Variants in SLFN12 observed in about 807,000 individuals in gnomAD.
SLFN12 encodes schlafen family member 12, also known as ribonuclease SLFN12.
A neutral mutation model predicts 29.1 loss-of-function variants in SLFN12; 25 were observed. The ratio of observed to expected loss-of-function variants is 0.86; its 90% confidence interval spans 0.63 to 1.20. The LOEUF (loss-of-function observed/expected upper bound fraction) is 1.20, where lower values mean the gene tolerates loss of function less well. Among genes scored for constraint, SLFN12 ranks in the 50% most tolerant of loss-of-function variants. SLFN12 has a pLI of 0.00. For synonymous variants in SLFN12, 257 were observed against 238.7 expected, an observed-to-expected ratio of 1.08 and a Z score of -0.71; for missense variants, 660 against 666.2, an observed-to-expected ratio of 0.99 and a Z score of 0.10.
rs1231634648 is a variant in SLFN12 at position 35,411,126 on chromosome 17, A to C, written c.*212T>G. The stretch of plus-strand genomic sequence containing the variant: ...ACAGACAGAGTAAATAATACTGTGC[A>C]CAGACGAGTTAACAAATTAATTTTC... On this transcript the variant is annotated 3_prime_UTR_variant, in exon 4 of 4. Coordinates refer to ENST00000304905, the MANE Select transcript of SLFN12 (RefSeq NM_018042.5). 1 of 444,934 alleles carries C rather than the reference A, an allele frequency of 2.2e-6. No homozygotes were observed. Among genetic ancestry groups the C allele is most frequent in the African/African-American group, 2.0e-5 (1 of 49,936 alleles). 27.6% of individuals were successfully genotyped at this position (444,934 alleles called of 1,614,324 possible). A position where few individuals can be genotyped will look rare whatever the true frequency, so the allele number is the denominator to read the frequency against.
intron 2 of SLFN12, among the ~76,000 whole-genome samples, chr17:35,421,776 G>T (rs188982167): frequency 5.3e-5 from 8 of 151,868 alleles, no homozygotes; most frequent in African/African-American, 1.9e-4. Context: ...TCCTGACCTC[G>T]TGATCCGCCC....
intron 1 of SLFN12, among the ~76,000 whole-genome samples, chr17:35,427,083 A>G (rs1173032253): frequency 6.6e-6 from 1 of 152,158 alleles, no homozygotes; most frequent in Non-Finnish European, 1.5e-5. Flanking sequence ...GACAGGTTAC[A>G]ACATTGAAAA....
In SLFN12 at chr17:35,422,531, C is replaced by A. The variant is rs1335684638; in HGVS notation, c.498G>T (p.Arg166Ser). ...TTTCTTCTTGTATATCAACACAGGGCCTCTTTGCCAGCAATTCTGGTCTTA... is the reference window on the plus strand; with the variant it reads ...TTTCTTCTTGTATATCAACACAGGGACTCTTTGCCAGCAATTCTGGTCTTA... ...LYLRPELLAK[R>S]PCVDIQEENN... The change falls in exon 2 of 4, where the codon AGG becomes AGT. Residue 166 changes from arginine (R) to serine (S), a missense_variant. By Grantham distance (110) the Arg-to-Ser change is moderately radical (BLOSUM62 -1). Coordinates refer to ENST00000304905, the MANE Select transcript of SLFN12 (RefSeq NM_018042.5). The A allele has an allele frequency of 4.3e-6, 7 of 1,614,026 alleles. No individual in the cohort carries two copies. The highest frequency in any genetic ancestry group is 2.7e-5 in the African/African-American group (2 of 75,064).
Position 35,411,372 on chromosome 17 carries a change from T to G in SLFN12, c.1703A>C (p.Lys568Thr). 1 of 1,570,122 alleles carries G rather than the reference T, an allele frequency of 6.4e-7. No homozygotes were observed. Among genetic ancestry groups the G allele is most frequent in the Non-Finnish European group, 8.6e-7 (1 of 1,160,550 alleles). Reference sequence around the variant, plus strand: ...CCTTCGACAAGATTTAAACATCTTTTTATCATTCTTCTGAAAGCAATCTAT... The same window carrying G: ...CCTTCGACAAGATTTAAACATCTTTGTATCATTCTTCTGAAAGCAATCTAT... Reference protein sequence around the residue: ...IGIDCFQKNDKKMFKSCRRLT With the variant: ...IGIDCFQKNDTKMFKSCRRLT Residue 568 changes from lysine (K) to threonine (T), a missense_variant, in exon 4 of 4, where the codon AAA becomes ACA. By Grantham distance (78) the Lys-to-Thr change is moderately conservative (BLOSUM62 -1). Transcript: ENST00000304905.
At chr17:35,424,499 A>C (rs569478313) in intron 1 of SLFN12, among the ~76,000 whole-genome samples, 3 of 151,412 alleles carry the variant, frequency 2.0e-5, no homozygotes, top group African/African-American at 7.4e-5. Flanking sequence ...GTAACTTTTA[A>C]GTTAAGTTAA....
Position 35,411,319 on chromosome 17 carries a change from T to C in SLFN12, c.*19A>G. On this transcript the variant is annotated 3_prime_UTR_variant, in exon 4 of 4. Transcript: ENST00000304905. ...AAATATATAATGAAAAATATCTCAGTAGCCCAGTCCATTTTCCATCAGGTG... is the reference window on the plus strand; with the variant it reads ...AAATATATAATGAAAAATATCTCAGCAGCCCAGTCCATTTTCCATCAGGTG... The C allele has an allele frequency of 7.0e-7, 1 of 1,419,936 alleles. No individual in the cohort carries two copies. Among genetic ancestry groups the C allele is most frequent in the Non-Finnish European group, 9.5e-7 (1 of 1,051,144 alleles). The allele number at this position is 1,419,936 out of a possible 1,614,324, so 88.0% of individuals were successfully genotyped here. A position where few individuals can be genotyped will look rare whatever the true frequency, so the allele number is the denominator to read the frequency against.
chr17:35,429,105 C>T (rs1912169926), intron 1 of SLFN12, among the ~76,000 whole-genome samples: 1 of 152,232 alleles, frequency 6.6e-6, no homozygotes, highest in East Asian at 1.9e-4. Context: ...GTCCCCTTTC[C>T]TCTTAGCCCA....
intron 3 of SLFN12, among the ~76,000 whole-genome samples, chr17:35,412,766 A>G (rs1237506661): frequency 6.6e-6 from 1 of 152,086 alleles, no homozygotes; most frequent in Admixed American, 6.5e-5. Context: ...CAGATCAGAG[A>G]AAAAGACTGA....
chr17:35,421,871 G>GGATT, intron 2 of SLFN12, 119 bp downstream of exon 2: 1 of 1,312,456 alleles, frequency 7.6e-7, no homozygotes. Flanking sequence ...TATCCACCAG[G>GGATT]GATTAATAGT....
At chr17:35,427,335 G>C (rs1393400486) in intron 1 of SLFN12, among the ~76,000 whole-genome samples, 1 of 152,156 alleles carries the variant, frequency 6.6e-6, no homozygotes, top group African/African-American at 2.4e-5. Context: ...TGGAGAAACA[G>C]AGTTGAAGCT....
chr17:35,417,981 AAG>A (rs930222290), intron 3 of SLFN12, among the ~76,000 whole-genome samples: 16 of 152,124 alleles, frequency 1.1e-4, no homozygotes, highest in African/African-American at 3.6e-4. Context: ...AATAAGTAAA[AAG>A]ATTTCCTATA....
intron 3 of SLFN12, among the ~76,000 whole-genome samples, chr17:35,413,359 C>T (rs542929498): frequency 1.3e-5 from 2 of 150,504 alleles, no homozygotes; most frequent in South Asian, 4.2e-4. Context: ...AAGGACACTA[C>T]AAAAAAAAAG....
intron 3 of SLFN12, among the ~76,000 whole-genome samples, chr17:35,415,600 C>T (rs8080889): frequency 0.093 from 14,184 of 152,010 alleles, 2,089 homozygotes; most frequent in African/African-American, 0.31. Flanking sequence ...AAAATATTTG[C>T]AACCTATGCA....
rs112295255 is a variant in SLFN12 at position 35,411,824 on chromosome 17, G to A, written c.1251C>T (p.Val417=). ...KQLICEEMDS[V]RKGSLIFSRS... ...TAGAGAAGATCAGTGAGCCCTTTCTGACAGAGTCCATTTCTTCACATATTA... is the reference window on the plus strand; with the variant it reads ...TAGAGAAGATCAGTGAGCCCTTTCTAACAGAGTCCATTTCTTCACATATTA... The change falls in exon 4 of 4, where the codon GTC becomes GTT. Residue 417 remains valine (V), a synonymous_variant. Coordinates refer to ENST00000304905, the MANE Select transcript of SLFN12 (RefSeq NM_018042.5). The A allele has an allele frequency of 9.9e-6, 16 of 1,614,006 alleles. No individual in the cohort carries two copies. The African/African-American group carries it at 2.1e-4, about 22-fold the overall frequency.
intron 1 of SLFN12, among the ~76,000 whole-genome samples, chr17:35,431,360 T>C (rs1201032695): frequency 3.3e-5 from 5 of 152,154 alleles, no homozygotes; most frequent in African/African-American, 1.2e-4. Context: ...GACACAACCC[T>C]GCTTAGAACA....
intron 1 of SLFN12, 60 bp from the exon 2 acceptor site, chr17:35,423,128 A>G: frequency 6.7e-7 from 1 of 1,496,786 alleles, no homozygotes; most frequent in Non-Finnish European, 8.8e-7. Flanking sequence ...CAAATTCTGT[A>G]TTATGAGGCA....
Position 35,411,649 on chromosome 17 carries a change from T to A in SLFN12, c.1426A>T (p.Thr476Ser). Residue 476 changes from threonine to serine, a missense_variant, in exon 4 of 4, where the codon ACC becomes TCC. Thr to Ser is a moderately conservative substitution (Grantham distance 58, BLOSUM62 1). Coordinates refer to ENST00000304905, the MANE Select transcript of SLFN12 (RefSeq NM_018042.5). The part of the protein sequence containing the change: ...FKGYSTQTAL[T>S]LKQKLAKIGG... ...ATTTTTGCCAGCTTCTGCTTTAAGG[T>A]TAGGGCAGTTTGTGTAGAATAGCCT... The A allele has an allele frequency of 6.2e-7, 1 of 1,614,066 alleles. No homozygotes were observed. Among genetic ancestry groups the A allele is most frequent in the South Asian group, 1.1e-5 (1 of 91,088 alleles).
chr17:35,421,880 G>C (rs961737889), intron 2 of SLFN12, 110 bp downstream of exon 2: 2 of 1,385,264 alleles, frequency 1.4e-6, no homozygotes, highest in Non-Finnish European at 1.9e-6. Context: ...GGGATTAATA[G>C]TTTAGGTGCT....
intron 1 of SLFN12, among the ~76,000 whole-genome samples, 157 bp from the exon 2 acceptor site, chr17:35,423,225 C>T (rs936965066): frequency 1.3e-5 from 2 of 152,004 alleles, no homozygotes; most frequent in Admixed American, 6.5e-5. Context: ...GAGCTAAGAC[C>T]GCAATAATTT....
Sources: allele counts gnomAD v4.1 joint callset (sites outside exome capture counted in the v4.1 genomes callset), GRCh38; gene constraint gnomAD v4.1.1; transcripts MANE v1.5; gene names NCBI Gene and HGNC (gene_info 2026-07-23, HGNC 2026-07-21).